The following ANXA9 variants were observed in gnomAD, a reference collection of about 807,000 sequenced individuals.
ANXA9 encodes the protein annexin 31.
In ANXA9, 47 loss-of-function variants were observed where a neutral mutation model predicts 51.8. The observed-to-expected ratio is 0.91, with a 90% confidence interval of 0.72 to 1.16. The LOEUF (loss-of-function observed/expected upper bound fraction) is 1.16, where lower values mean the gene tolerates loss of function less well. ANXA9 is among the 50% of genes most tolerant of loss of function. The pLI is 0.00. For synonymous variants in ANXA9, 154 were observed against 168.7 expected, an observed-to-expected ratio of 0.91 and a Z score of 0.68; for missense variants, 361 against 424.7, an observed-to-expected ratio of 0.85 and a Z score of 1.32.
In ANXA9 at chr1:150,986,431, C is replaced by T; in HGVS notation, c.552+16C>T. On this transcript the variant is annotated intron_variant, in intron 8 of 13. Coordinates refer to ENST00000368947, the MANE Select transcript of ANXA9 (RefSeq NM_003568.3). Reference sequence around the variant, plus strand: ...CCTGGCCAAGGTGAGGAGGACTGACCTGCAAGGAAGGGAGTCACGTTCACC... The same window carrying T: ...CCTGGCCAAGGTGAGGAGGACTGACTTGCAAGGAAGGGAGTCACGTTCACC... 6.2e-7 allele frequency: 1 copy of T among 1,613,328 alleles called. No homozygotes were observed. Among genetic ancestry groups the T allele is most frequent in the Non-Finnish European group, 8.5e-7 (1 of 1,179,338 alleles).
chr1:150,980,821 C>T (rs1476313970), upstream of ANXA9, among the ~76,000 whole-genome samples: 1 of 152,016 alleles, frequency 6.6e-6, no homozygotes, highest in Non-Finnish European at 1.5e-5. Flanking sequence ...CCTCATGATC[C>T]ACCCGCCTCG....
At chr1:150,989,436 A>G (rs1471469415) in intron 12 of ANXA9, among the ~76,000 whole-genome samples, 1 of 151,970 alleles carries the variant, frequency 6.6e-6, no homozygotes, top group Non-Finnish European at 1.5e-5. Context: ...CACGCCTATA[A>G]TCCCAGCACT....
intron 12 of ANXA9, among the ~76,000 whole-genome samples, chr1:150,991,929 G>T (rs944354999): frequency 3.3e-5 from 5 of 151,944 alleles, no homozygotes; most frequent in Non-Finnish European, 7.4e-5. Flanking sequence ...ACCACGCCCG[G>T]CTAATTTTTG....
rs10561525 is a variant in ANXA9, at chr1:150,987,380, TCACACA to T, written c.613-474_613-469del. Among the ~76,000 whole-genome samples, 87 of 138,634 alleles carry T rather than the reference TCACACA, an allele frequency of 6.3e-4. 1 individual carries two copies. The East Asian group carries it at 0.01, about 16-fold the overall frequency. 90.9% of individuals were successfully genotyped at this position (138,634 alleles called of 152,430 possible). On this transcript the variant is annotated intron_variant, in intron 9 of 13. Transcript: ENST00000368947. ...CTCTCGCTCTCTCTCTCTCTCTCTC[TCACACA>T]CACACACACACACACACGCACACAC...
chr1:150,984,741 C>G, intron 7 of ANXA9, 65 bp downstream of exon 7: 2 of 1,385,654 alleles, frequency 1.4e-6, no homozygotes, highest in Non-Finnish European at 1.0e-6. Flanking sequence ...CCACTCCTCT[C>G]CTGTACTCCC....
Position 150,986,341 on chromosome 1 carries a change from C to T in ANXA9, c.478C>T (p.Gln160Ter), listed in dbSNP as rs768025366. Residue 160 changes from glutamine (Q) to a stop codon, truncating the protein, a stop_gained, in exon 8 of 14, where the codon CAG (glutamine) becomes TAG (stop). Transcript: ENST00000368947. LOFTEE classifies it high-confidence loss of function. ...AGCTCCTCACCCCACCCCAGATTTCCAGGTGGAGGCTGTGGATGACATCAC... is the reference window on the plus strand; with the variant it reads ...AGCTCCTCACCCCACCCCAGATTTCTAGGTGGAGGCTGTGGATGACATCAC... ...ECLAVYKHNF[Q>*]VEAVDDITSE... The T allele has an allele frequency of 3.1e-6, 5 of 1,614,032 alleles. No individual in the cohort carries two copies. The Admixed American group carries it at 6.7e-5, about 22-fold the overall frequency.
In ANXA9 at chr1:150,991,912, G is replaced by A. The variant is rs587712917; in HGVS notation, c.853-2665G>A. Among the ~76,000 whole-genome samples the A allele has an allele frequency of 4.7e-4, 71 of 151,994 alleles. No homozygotes were observed. The East Asian group carries it at 0.011, about 24-fold the overall frequency. On this transcript the variant is annotated intron_variant, in intron 12 of 13. Coordinates refer to ENST00000368947, the MANE Select transcript of ANXA9 (RefSeq NM_003568.3). ...CTCCTGAGTAGCTGAGATTACAGGC[G>A]CCCGCCACCACGCCCGGCTAATTTT... is the stretch of plus-strand genomic sequence containing the variant.
chr1:150,992,687 A>G (rs1327473016), intron 12 of ANXA9, among the ~76,000 whole-genome samples: 1 of 152,150 alleles, frequency 6.6e-6, no homozygotes, highest in East Asian at 1.9e-4. Flanking sequence ...CACATGCTAT[A>G]GTCCCAGCTG....
intron 12 of ANXA9, among the ~76,000 whole-genome samples, chr1:150,989,446 T>G (rs1004835624): frequency 1.3e-5 from 2 of 152,020 alleles, no homozygotes; most frequent in African/African-American, 4.8e-5. Context: ...ATCCCAGCAC[T>G]TTGGGAGGCC....
At chr1:150,988,751 C>T (rs1478414259) in intron 12 of ANXA9, among the ~76,000 whole-genome samples, 4 of 152,294 alleles carry the variant, frequency 2.6e-5, no homozygotes, top group Admixed American at 6.5e-5. Context: ...TCAATTAATC[C>T]TCACAACCAT....
intron 7 of ANXA9, 31 bp downstream of exon 7, chr1:150,984,707 C>T (rs1482130079): frequency 6.3e-7 from 1 of 1,587,704 alleles, no homozygotes; most frequent in Non-Finnish European, 8.6e-7. Flanking sequence ...GTCCCAGATG[C>T]TGGAGAAGGG....
chr1:150,990,049 C>A (rs1035924960), intron 12 of ANXA9, among the ~76,000 whole-genome samples: 1 of 152,046 alleles, frequency 6.6e-6, no homozygotes, highest in Non-Finnish European at 1.5e-5. Flanking sequence ...TGGCTCACAC[C>A]TGTAATCCTA....
chr1:150,980,214 G>A (rs751373859), upstream of ANXA9, among the ~76,000 whole-genome samples: 1 of 152,118 alleles, frequency 6.6e-6, no homozygotes, highest in East Asian at 1.9e-4. Context: ...GGCCAACATG[G>A]TGAAACCCTA....
At chr1:150,983,025 GGGTCATAA>G (rs1486753500) in intron 2 of ANXA9, 57 bp from the exon 3 acceptor site, 27 of 1,229,376 alleles carry the variant, frequency 2.2e-5, no homozygotes, top group Non-Finnish European at 3.0e-5. Context: ...GGTCTCGGGG[GGGTCATAA>G]GGAGTCCCTG....
At chr1:150,982,882 G>A (rs1262980809) in intron 2 of ANXA9, among the ~76,000 whole-genome samples, 2 of 152,190 alleles carry the variant, frequency 1.3e-5, no homozygotes, top group Non-Finnish European at 2.9e-5. Flanking sequence ...TAAAGGAGTG[G>A]GGAGAGGTGG....
At chr1:150,980,928 A>G (rs369627592), upstream of ANXA9, among the ~76,000 whole-genome samples, 4 of 151,484 alleles carry the variant, frequency 2.6e-5, no homozygotes, top group Non-Finnish European at 4.4e-5. Context: ...TATGAGTTCA[A>G]TAGTTTTTGG....
At chr1:150,980,063 T>G (rs1304571716), upstream of ANXA9, among the ~76,000 whole-genome samples, 1 of 152,110 alleles carries the variant, frequency 6.6e-6, no homozygotes. Context: ...GGTTGTCAGG[T>G]GAAATACAGG....
intron 12 of ANXA9, 56 bp from the exon 13 acceptor site, chr1:150,994,521 C>T (rs1671784205): frequency 6.2e-7 from 1 of 1,606,208 alleles, no homozygotes; most frequent in Admixed American, 1.7e-5. Context: ...CCATTCAACC[C>T]CTACTCTCAG....
In ANXA9 at chr1:150,995,340, C is replaced by T; in HGVS notation, c.*18C>T. ...ACATGTGAGACTTCCCTGCCCCACC[C>T]CACATGACATCCGAGGATCTGAGAT... On this transcript the variant is annotated 3_prime_UTR_variant, in exon 14 of 14. Transcript: ENST00000368947. 6.3e-7 allele frequency: 1 copy of T among 1,588,608 alleles called. No homozygotes were observed. Among genetic ancestry groups the T allele is most frequent in the Non-Finnish European group, 8.6e-7 (1 of 1,167,692 alleles).
Sources: allele counts gnomAD v4.1 joint callset (sites outside exome capture counted in the v4.1 genomes callset), GRCh38; gene constraint gnomAD v4.1.1; transcripts MANE v1.5; gene names NCBI Gene and HGNC (gene_info 2026-07-23, HGNC 2026-07-21).